MDGA2: variants seen among roughly 807,000 people sequenced by gnomAD.
MDGA2 encodes MAM domain containing glycosylphosphatidylinositol anchor 2.
In MDGA2, 40 loss-of-function variants were observed where a neutral mutation model predicts 117.8. The ratio of observed to expected loss-of-function variants is 0.34; its 90% CI spans 0.26 to 0.44. MDGA2 has a LOEUF of 0.44. Among genes scored for constraint, MDGA2 ranks in the 20% least tolerant of loss-of-function variants. The probability of loss-of-function intolerance (pLI) is 1.00; values close to 1 mark genes in which losing one functional copy is unlikely to be tolerated. For synonymous variants in MDGA2, 452 were observed against 439.0 expected (o/e 1.03, Z -0.37); for missense variants, 1,123 against 1,250.6 (o/e 0.90, Z 1.54).
At chr14:47,665,596 G>A (rs1452031430) in intron 1 of MDGA2, among the ~76,000 whole-genome samples, 1 of 152,170 alleles carries the variant, frequency 6.6e-6, no homozygotes, top group South Asian at 2.1e-4. Flanking sequence ...TTCCGGGTGG[G>A]CGTGGGCTTG....
chr14:47,621,232 AGTTAAG>A (rs1897044276), intron 1 of MDGA2, among the ~76,000 whole-genome samples: 1 of 152,170 alleles, frequency 6.6e-6, no homozygotes, highest in Non-Finnish European at 1.5e-5. Flanking sequence ...TATTAAATAC[AGTTAAG>A]GTCTAGTCTT....
chr14:47,391,421 T>G (rs4243547), intron 1 of MDGA2, among the ~76,000 whole-genome samples: 53,209 of 152,102 alleles, frequency 0.35, 9,733 homozygotes, highest in East Asian at 0.56. Flanking sequence ...AGAAACGGGA[T>G]GATCCATTCA....
chr14:47,509,829 G>A (rs1354901948), intron 1 of MDGA2, among the ~76,000 whole-genome samples: 2 of 152,172 alleles, frequency 1.3e-5, no homozygotes, highest in African/African-American at 2.4e-5. Flanking sequence ...TAATTTCACA[G>A]ATTCACAGCT....
At chr14:47,413,111 A>C (rs1406629691) in intron 1 of MDGA2, among the ~76,000 whole-genome samples, 1 of 152,182 alleles carries the variant, frequency 6.6e-6, no homozygotes, top group Non-Finnish European at 1.5e-5. Context: ...TATTTGAGCC[A>C]TATTTCAGTA....
chr14:47,134,915 A>AT (rs941875320), intron 4 of MDGA2, among the ~76,000 whole-genome samples: 60 of 151,882 alleles, frequency 4.0e-4, no homozygotes, highest in Admixed American at 5.9e-4. Context: ...ATAAACAAAT[A>AT]ATGAACATTG....
intron 1 of MDGA2, among the ~76,000 whole-genome samples, chr14:47,357,981 G>A (rs530023541): frequency 1.4e-4 from 21 of 152,078 alleles, no homozygotes; most frequent in African/African-American, 4.3e-4. Flanking sequence ...ATAGTCCCTG[G>A]GTTTTCTGGT....
chr14:47,515,023 ATGCTCACTT>A (rs1202711905), intron 1 of MDGA2, among the ~76,000 whole-genome samples: 1 of 152,162 alleles, frequency 6.6e-6, no homozygotes, highest in Non-Finnish European at 1.5e-5. Context: ...CTTTGTTCCT[ATGCTCACTT>A]TGTATTTTCT....
chr14:47,581,310 C>T (rs1264234065), intron 1 of MDGA2, among the ~76,000 whole-genome samples: 1 of 151,958 alleles, frequency 6.6e-6, no homozygotes, highest in Non-Finnish European at 1.5e-5. Flanking sequence ...TGCCTGCTAA[C>T]TTCACTCAAT....
At chr14:47,171,568 T>C (rs1252469968) in intron 3 of MDGA2, among the ~76,000 whole-genome samples, 2 of 152,152 alleles carry the variant, frequency 1.3e-5, no homozygotes, top group Non-Finnish European at 2.9e-5. Context: ...CAAAGGGAAG[T>C]AGTTTCTTTC....
intron 1 of MDGA2, among the ~76,000 whole-genome samples, chr14:47,381,377 A>C (rs1891621530): frequency 6.6e-6 from 1 of 152,174 alleles, no homozygotes; most frequent in Non-Finnish European, 1.5e-5. Flanking sequence ...CAGACAGGAG[A>C]AAGAAATAAA....
chr14:46,988,734 C>G (rs1310035489), intron 8 of MDGA2, among the ~76,000 whole-genome samples: 5 of 152,078 alleles, frequency 3.3e-5, no homozygotes, highest in Non-Finnish European at 5.9e-5. Context: ...ATTTATCTAT[C>G]TCTTCTCAGG....
chr14:47,403,246 T>A (rs1036001020), intron 1 of MDGA2, among the ~76,000 whole-genome samples: 1 of 152,196 alleles, frequency 6.6e-6, no homozygotes, highest in Non-Finnish European at 1.5e-5. Flanking sequence ...CAGTTGGGCA[T>A]TTTCTTTTCT....
chr14:47,203,841 A>T (rs1885593104), intron 3 of MDGA2, among the ~76,000 whole-genome samples: 1 of 151,986 alleles, frequency 6.6e-6, no homozygotes, highest in African/African-American at 2.4e-5. Flanking sequence ...AACCCGCAAT[A>T]TGGTTTCAGA....
chr14:47,395,939 C>T (rs1486797249), intron 1 of MDGA2, among the ~76,000 whole-genome samples: 1 of 152,118 alleles, frequency 6.6e-6, no homozygotes, highest in Non-Finnish European at 1.5e-5. Context: ...CTCATATTTA[C>T]TTTCGTGTGT....
chr14:47,432,293 A>G (rs1055848105), intron 1 of MDGA2, among the ~76,000 whole-genome samples: 5 of 152,128 alleles, frequency 3.3e-5, no homozygotes, highest in African/African-American at 1.2e-4. Flanking sequence ...TCCACTTCTG[A>G]TGATTAAGGG....
At chr14:47,657,891 CTA>C (rs1897773601) in intron 1 of MDGA2, among the ~76,000 whole-genome samples, 1 of 152,106 alleles carries the variant, frequency 6.6e-6, no homozygotes, top group Non-Finnish European at 1.5e-5. Flanking sequence ...AAATTAATGA[CTA>C]TTATATGTAG....
In MDGA2 at chr14:47,286,803, TTATA is replaced by T. The variant is rs34614614; in HGVS notation, c.420+14604_420+14607del. ...AACCAGGACTATCTCAGGCATATCA[TTATA>T]TATATATATATATATATACATATAT... On this transcript the variant is annotated intron_variant, in intron 2 of 16. Coordinates refer to ENST00000399232, the MANE Select transcript of MDGA2 (RefSeq NM_001113498.3). 2.1e-4 allele frequency among the ~76,000 whole-genome samples: 27 copies of T among 129,980 alleles called. No homozygotes were observed. In the East Asian group the frequency reaches 2.8e-3, roughly 13 times the overall value. The allele number at this position is 129,980 out of a possible 152,430, so 85.3% of individuals were successfully genotyped here.
chr14:47,568,775 T>A (rs1200969862), intron 1 of MDGA2, among the ~76,000 whole-genome samples: 1 of 152,186 alleles, frequency 6.6e-6, no homozygotes, highest in Non-Finnish European at 1.5e-5. Context: ...AATGCAGAAT[T>A]TTTTTCATGA....
chr14:47,470,098 TTTTA>T (rs767117032), intron 1 of MDGA2, among the ~76,000 whole-genome samples: 389 of 141,968 alleles, frequency 2.7e-3, no homozygotes, highest in Non-Finnish European at 4.8e-3. Flanking sequence ...TTTTTCATCT[TTTTA>T]TTTATTTATT....
Sources: allele counts gnomAD v4.1 joint callset (sites outside exome capture counted in the v4.1 genomes callset), GRCh38; gene constraint gnomAD v4.1.1; transcripts MANE v1.5; gene names NCBI Gene and HGNC (gene_info 2026-07-23, HGNC 2026-07-21).